Variants in BORCS5 observed in about 807,000 individuals in gnomAD.
BORCS5 encodes BLOC-1 related complex subunit 5.
Under a neutral mutation model 22.1 loss-of-function variants are expected in BORCS5, and 17 were observed. That is an observed-to-expected ratio of 0.77 (90% CI 0.53 to 1.15). The LOEUF (loss-of-function observed/expected upper bound fraction) is 1.15. Among genes scored for constraint, BORCS5 ranks in the 50% most tolerant of loss-of-function variants. The pLI is 0.00. For missense variants in BORCS5, 247 were observed against 253.2 expected, an observed-to-expected ratio of 0.98 and a Z score of 0.17; for synonymous variants, 117 against 99.8, an observed-to-expected ratio of 1.17 and a Z score of -1.03.
rs370145355 is a variant in BORCS5, at chr12:12,357,429, C to T, written c.-23C>T. The T allele has an allele frequency of 7.9e-4, 1,275 of 1,603,778 alleles. 1 individual carries two copies. The highest frequency in any genetic ancestry group is 1.1e-3 in the Admixed American group (64 of 59,574). ...GGTGACCGCCCGGCCCGCCGTTCTTCTGCTGCCACCGCTGTCGGCACCATG... is the reference window on the plus strand; with the variant it reads ...GGTGACCGCCCGGCCCGCCGTTCTTTTGCTGCCACCGCTGTCGGCACCATG... On this transcript the variant is annotated 5_prime_UTR_variant, in exon 1 of 4. Transcript: ENST00000314565.
At chr12:12,442,300 G>C (rs1272648317) in intron 3 of BORCS5, among the ~76,000 whole-genome samples, 1 of 152,160 alleles carries the variant, frequency 6.6e-6, no homozygotes. Context: ...TCTTATTTCT[G>C]CCTCATTCTA....
intron 2 of BORCS5, among the ~76,000 whole-genome samples, chr12:12,380,773 A>G (rs991325133): frequency 1.3e-5 from 2 of 151,368 alleles, no homozygotes; most frequent in African/African-American, 4.9e-5. Context: ...GATTATAGCC[A>G]TCAGAGTGGT....
chr12:12,462,225 C>T (rs573002055), intron 3 of BORCS5, among the ~76,000 whole-genome samples: 3 of 152,328 alleles, frequency 2.0e-5, no homozygotes, highest in African/African-American at 7.2e-5. Flanking sequence ...GTTCTCCTTG[C>T]AGAATCTCAT....
Position 12,383,010 on chromosome 12 carries a change from A to T in BORCS5, c.202+21661A>T, listed in dbSNP as rs917707655. On this transcript the variant is annotated intron_variant, in intron 2 of 3. Coordinates refer to ENST00000314565, the MANE Select transcript of BORCS5 (RefSeq NM_058169.6). ...TTAATATAGTTATTGATCTGGTTAG[A>T]TTTGCCTTTTTATTATTTCTTTTCT... 8.6e-5 allele frequency among the ~76,000 whole-genome samples: 13 copies of T among 151,218 alleles called. 1 individual carries two copies. The highest frequency in any genetic ancestry group is 2.9e-4 in the African/African-American group (12 of 41,184).
In BORCS5 at chr12:12,395,325, A is replaced by G. The variant is rs188825704; in HGVS notation, c.202+33976A>G. Among the ~76,000 whole-genome samples, 193 of 151,820 alleles carry G rather than the reference A, an allele frequency of 1.3e-3. 2 individuals are homozygous for G. Among genetic ancestry groups the G allele is most frequent in the African/African-American group, 4.5e-3 (185 of 41,300 alleles). On this transcript the variant is annotated intron_variant, in intron 2 of 3. Coordinates refer to ENST00000314565, the MANE Select transcript of BORCS5 (RefSeq NM_058169.6). ...CTCTCTGTCACCCAGGCTGGAGTGC[A>G]GTGGTGTGATCTCTGCCACTGCAGC...
intron 2 of BORCS5, among the ~76,000 whole-genome samples, chr12:12,426,517 GTTTC>G (rs1412004535): frequency 6.6e-6 from 1 of 152,214 alleles, no homozygotes; most frequent in Non-Finnish European, 1.5e-5. Context: ...CTCTGTTCTT[GTTTC>G]TTTGGTACCA....
chr12:12,357,540 G>A (rs1189535465), intron 1 of BORCS5, 31 bp downstream of exon 1: 1 of 1,595,584 alleles, frequency 6.3e-7, no homozygotes, highest in Admixed American at 1.7e-5. Context: ...CCCTCCTCCA[G>A]CCCGCCCTGT....
At chr12:12,388,207 A>G (rs1565855785) in intron 2 of BORCS5, among the ~76,000 whole-genome samples, 1 of 151,334 alleles carries the variant, frequency 6.6e-6, no homozygotes, top group Non-Finnish European at 1.5e-5. Flanking sequence ...AACTGTATTT[A>G]TTACTAGTCT....
At chr12:12,435,472 A>G (rs1182211263) in intron 2 of BORCS5, among the ~76,000 whole-genome samples, 156 bp from the exon 3 acceptor site, 2 of 152,270 alleles carry the variant, frequency 1.3e-5, no homozygotes, top group African/African-American at 4.8e-5. Context: ...CAGATGCCCC[A>G]TAAATAATAA....
chr12:12,418,823 C>T (rs968728665), intron 2 of BORCS5, among the ~76,000 whole-genome samples: 3 of 152,124 alleles, frequency 2.0e-5, no homozygotes, highest in Non-Finnish European at 4.4e-5. Flanking sequence ...TTCTGTCAAT[C>T]CCTGTCTTTT....
intron 2 of BORCS5, among the ~76,000 whole-genome samples, chr12:12,405,173 A>G (rs975644357): frequency 6.6e-6 from 1 of 152,216 alleles, no homozygotes; most frequent in African/African-American, 2.4e-5. Context: ...GAGACAACCC[A>G]TAAAGGTAAA....
chr12:12,427,172 C>CTTTTTTTTTTTTTTT (rs869191667), intron 2 of BORCS5, among the ~76,000 whole-genome samples: 5 of 84,486 alleles, frequency 5.9e-5, no homozygotes, highest in Admixed American at 1.6e-4. Flanking sequence ...TCTTTCTTTT[C>CTTTTTTTTTTTTTTT]TTTTTTTTTT....
intron 2 of BORCS5, among the ~76,000 whole-genome samples, chr12:12,423,414 T>C (rs1942192535): frequency 6.7e-6 from 1 of 150,322 alleles, no homozygotes; most frequent in African/African-American, 2.4e-5. Context: ...GCAGGGCAGG[T>C]CTAGTATTAA....
rs138424959 is a variant in BORCS5 at position 12,456,512 on chromosome 12, A to G, written c.361-9034A>G. Among the ~76,000 whole-genome samples the G allele has an allele frequency of 7.2e-3, 1,090 of 152,324 alleles. 6 individuals carry two copies. Among genetic ancestry groups the G allele is most frequent in the South Asian group, 0.014 (67 of 4,828 alleles). ...CATCAAAGCTTATTTTATGAGGAAA[A>G]TTTATATAACAAAAGTTTTTGAAGC... is the stretch of plus-strand genomic sequence containing the variant. On this transcript the variant is annotated intron_variant, in intron 3 of 3. Coordinates refer to ENST00000314565, the MANE Select transcript of BORCS5 (RefSeq NM_058169.6).
intron 3 of BORCS5, among the ~76,000 whole-genome samples, chr12:12,441,146 TCGGTC>T (rs1392078565): frequency 1.3e-5 from 2 of 152,114 alleles, no homozygotes; most frequent in Non-Finnish European, 2.9e-5. Context: ...CTGGCACAGA[TCGGTC>T]ACACCCAGCA....
chr12:12,427,338 G>A (rs372295810), intron 2 of BORCS5, among the ~76,000 whole-genome samples: 3 of 151,842 alleles, frequency 2.0e-5, no homozygotes, highest in Admixed American at 1.3e-4. Context: ...CCGCCACCAC[G>A]CCCAGCTAAT....
intron 2 of BORCS5, among the ~76,000 whole-genome samples, chr12:12,368,540 G>T (rs73279335): frequency 0.21 from 31,841 of 151,298 alleles, 8,061 homozygotes; most frequent in African/African-American, 0.61. Context: ...GACCTCCCGG[G>T]CACAAATGAT....
chr12:12,412,126 T>A (rs1941750919), intron 2 of BORCS5, among the ~76,000 whole-genome samples: 1 of 152,238 alleles, frequency 6.6e-6, no homozygotes, highest in Admixed American at 6.5e-5. Context: ...TCCATATGAA[T>A]TTTTGGATGG....
At chr12:12,372,370 G>A (rs983508054) in intron 2 of BORCS5, among the ~76,000 whole-genome samples, 5 of 151,924 alleles carry the variant, frequency 3.3e-5, no homozygotes, top group African/African-American at 1.2e-4. Flanking sequence ...TTAGAGACAG[G>A]ATCTCGCTCT....
Sources: gnomAD v4.1 joint callset for allele counts (sites outside exome capture counted in the v4.1 genomes callset) on GRCh38, gnomAD v4.1.1 for gene constraint, MANE v1.5 for transcripts, NCBI Gene and HGNC (gene_info 2026-07-23, HGNC 2026-07-21) for gene names.